The following SLC17A1 variants were observed in gnomAD, a reference collection of about 807,000 sequenced individuals.
The protein encoded by SLC17A1 is sodium-dependent phosphate transport protein 1.
Under a neutral mutation model 53.5 loss-of-function variants are expected in SLC17A1, and 51 were observed. That is an observed-to-expected ratio of 0.95 (90% CI 0.76 to 1.20). The LOEUF (loss-of-function observed/expected upper bound fraction) is 1.20, where lower values mean the gene tolerates loss of function less well. Ranked by LOEUF, SLC17A1 falls within the 50% of genes most tolerant of loss-of-function variation. The pLI, the probability that SLC17A1 is intolerant of heterozygous loss-of-function variation, is 0.00. For missense variants in SLC17A1, 538 were observed against 568.2 expected, an observed-to-expected ratio of 0.95 and a Z score of 0.54; for synonymous variants, 179 against 198.8, an observed-to-expected ratio of 0.90 and a Z score of 0.84.
intron 10 of SLC17A1, among the ~76,000 whole-genome samples, chr6:25,807,906 C>A (rs371781410): frequency 2.0e-5 from 3 of 151,804 alleles, no homozygotes; most frequent in Non-Finnish European, 2.9e-5. Flanking sequence ...TTTGCAATTG[C>A]GAATTGTGCT....
At chr6:25,788,793 T>C (rs79969603) in intron 12 of SLC17A1, among the ~76,000 whole-genome samples, 3,071 of 151,928 alleles carry the variant, frequency 0.02, 90 homozygotes, top group African/African-American at 0.067. Flanking sequence ...TGTCTGGAAA[T>C]GGGATGATGG....
the SLC17A1 span, among the ~76,000 whole-genome samples, chr6:25,753,136 A>G: frequency 2.6e-5 from 4 of 152,178 alleles, no homozygotes; most frequent in African/African-American, 9.7e-5. Flanking sequence ...TGGAAAATCT[A>G]TTTTCAAGTG....
the SLC17A1 span, chr6:25,732,589 C>T: frequency 1.4e-5 from 12 of 888,102 alleles, no homozygotes; most frequent in Admixed American, 3.9e-5. Flanking sequence ...GCGTACCTGC[C>T]GGCGGTTCTG....
At chr6:25,763,135 G>T in the SLC17A1 span, among the ~76,000 whole-genome samples, 2 of 152,168 alleles carry the variant, frequency 1.3e-5, no homozygotes, top group Non-Finnish European at 2.9e-5. Flanking sequence ...TTTGTCTAAA[G>T]TGGAACTTCT....
intron 10 of SLC17A1, among the ~76,000 whole-genome samples, chr6:25,808,194 G>C (rs1764025031): frequency 6.6e-6 from 1 of 151,926 alleles, no homozygotes; most frequent in Admixed American, 6.6e-5. Context: ...TTGTGCTTAT[G>C]ATATGCGTTT....
the SLC17A1 span, among the ~76,000 whole-genome samples, chr6:25,758,545 C>A: frequency 1.3e-5 from 2 of 152,134 alleles, no homozygotes; most frequent in Admixed American, 1.3e-4. Flanking sequence ...AGGAATTTAT[C>A]CATCTCCTCT....
At position 25,798,799 on chromosome 6, in the gene SLC17A1, G is replaced by T. The variant is rs1173668328; in HGVS notation, c.1390C>A (p.His464Asn). ...ACTTCTCACCTTCAGAGACGTGTGTGTTGTTTTTCTTTAGCCCAGTCCTGA... is the reference window on the plus strand; with the variant it reads ...ACTTCTCACCTTCAGAGACGTGTGTTTTGTTTTTCTTTAGCCCAGTCCTGA... ...EIQDWAKEKQ[H>N]TRL Residue 464 changes from histidine (H) to asparagine (N), a missense_variant, in exon 12 of 13, where the codon CAC (histidine) becomes AAC (asparagine). Physicochemically the swap from His to Asn is moderately conservative, Grantham distance 68. Coordinates refer to ENST00000244527, the MANE Select transcript of SLC17A1 (RefSeq NM_005074.5). 5.0e-6 allele frequency: 8 copies of T among 1,608,492 alleles called. No individual in the cohort carries two copies. Among genetic ancestry groups the T allele is most frequent in the Non-Finnish European group, 6.8e-6 (8 of 1,176,464 alleles).
chr6:25,748,768 A>C, the SLC17A1 span, among the ~76,000 whole-genome samples: 1 of 152,254 alleles, frequency 6.6e-6, no homozygotes, highest in Non-Finnish European at 1.5e-5. Flanking sequence ...AATCTGTGTC[A>C]CAAATAAGTT....
At chr6:25,776,924 A>G in the SLC17A1 span, 1 of 1,613,652 alleles carries the variant, frequency 6.2e-7, no homozygotes, top group Non-Finnish European at 8.5e-7. Context: ...TCTGTGAATC[A>G]GGAGCCCTTG....
chr6:25,785,382 G>A (rs965139349), intron 12 of SLC17A1, among the ~76,000 whole-genome samples: 1 of 151,992 alleles, frequency 6.6e-6, no homozygotes, highest in Non-Finnish European at 1.5e-5. Flanking sequence ...AAACTTAGGG[G>A]TACATCTTCA....
chr6:25,814,754 CG>C (rs1286186917), intron 6 of SLC17A1, among the ~76,000 whole-genome samples: 1 of 152,042 alleles, frequency 6.6e-6, no homozygotes, highest in Non-Finnish European at 1.5e-5. Flanking sequence ...AAGGCCGAGG[CG>C]GGCGGATCAC....
At chr6:25,820,553 G>A (rs1360993669) in intron 3 of SLC17A1, among the ~76,000 whole-genome samples, 5 of 152,064 alleles carry the variant, frequency 3.3e-5, no homozygotes, top group Non-Finnish European at 7.4e-5. Context: ...CCATTCCTAG[G>A]TTAGAGGGCC....
the SLC17A1 span, among the ~76,000 whole-genome samples, chr6:25,761,717 GATAT>G: frequency 6.6e-6 from 1 of 152,130 alleles, no homozygotes; most frequent in African/African-American, 2.4e-5. Context: ...TCACTTGCGA[GATAT>G]AAATACTAAG....
At chr6:25,792,672 T>C (rs1581450752) in intron 12 of SLC17A1, among the ~76,000 whole-genome samples, 1 of 152,186 alleles carries the variant, frequency 6.6e-6, no homozygotes. Context: ...CCCATCCTCC[T>C]CCTTGTCAAG....
intron 6 of SLC17A1, among the ~76,000 whole-genome samples, chr6:25,816,186 G>GA (rs1316227072): frequency 6.6e-6 from 1 of 152,126 alleles, no homozygotes; most frequent in Non-Finnish European, 1.5e-5. Context: ...TTAGAATTCT[G>GA]AACACAAATC....
At chr6:25,771,119 G>A in the SLC17A1 span, 4 of 934,546 alleles carry the variant, frequency 4.3e-6, no homozygotes, top group South Asian at 5.7e-5. Flanking sequence ...CATAGCTAAA[G>A]CTGGTAGTGT....
chr6:25,773,607 T>C, the SLC17A1 span: 1 of 1,613,956 alleles, frequency 6.2e-7, no homozygotes, highest in Non-Finnish European at 8.5e-7. Flanking sequence ...GAATACTGGC[T>C]TTTTTATACC....
rs34669145 is a variant in SLC17A1, at chr6:25,802,935, C to CTTTTTTTT, written c.1179-1963_1179-1956dup. On this transcript the variant is annotated intron_variant, in intron 10 of 12. Transcript: ENST00000244527. ...ATGACGTTTTAACGACTATCTTCTT[C>CTTTTTTTT]TTTTTTTTTTTTTTTTTTTTTTTTT... Among the ~76,000 whole-genome samples the CTTTTTTTT allele has an allele frequency of 4.4e-3, 205 of 46,090 alleles. 37 individuals carry two copies. Among genetic ancestry groups the CTTTTTTTT allele is most frequent in the African/African-American group, 0.012 (135 of 11,100 alleles). 30.2% of individuals were successfully genotyped at this position (46,090 alleles called of 152,430 possible).
In SLC17A1 at chr6:25,819,682, C is replaced by T; in HGVS notation, c.441G>A (p.Gln147=). 1 of 1,613,808 alleles carries T rather than the reference C, an allele frequency of 6.2e-7. No individual in the cohort carries two copies. The highest frequency in any genetic ancestry group is 8.5e-7 in the Non-Finnish European group (1 of 1,179,796). Residue 147 remains glutamine, a splice_region_variant and synonymous_variant, in exon 4 of 13, where the codon CAG becomes CAA. Coordinates refer to ENST00000244527, the MANE Select transcript of SLC17A1 (RefSeq NM_005074.5). ...TTCAGTTTTAGCATTATTTTAATAC[C>T]TGGGCTGCTCCCTGAACTGCTCGAC... The part of the protein sequence containing the change: ...VVCRAVQGAA[Q]GIVATAQFEI...
Sources: allele counts gnomAD v4.1 joint callset (sites outside exome capture counted in the v4.1 genomes callset), GRCh38; gene constraint gnomAD v4.1.1; transcripts MANE v1.5; gene names NCBI Gene and HGNC (gene_info 2026-07-23, HGNC 2026-07-21).